The following EGFL6 variants were observed in gnomAD, a reference collection of about 807,000 sequenced individuals.
The protein encoded by EGFL6 is epidermal growth factor-like protein 6.
EGFL6 carries 42 observed loss-of-function variants against 43.1 expected under a neutral mutation model. The observed-to-expected ratio is 0.98, with a 90% CI of 0.76 to 1.26. The LOEUF is 1.26. Ranked by LOEUF, EGFL6 falls within the 50% of genes most tolerant of loss-of-function variation. The pLI, the probability that EGFL6 is intolerant of heterozygous loss-of-function variation, is 0.00. For missense variants in EGFL6, 429 were observed against 427.8 expected, an observed-to-expected ratio of 1.00 and a Z score of -0.02; for synonymous variants, 164 against 163.2, an observed-to-expected ratio of 1.01 and a Z score of -0.04.
At position 13,569,745 on chromosome X, in the gene EGFL6, G is replaced by A. The variant is rs781156537; in HGVS notation, c.-117G>A. 35 of 715,454 alleles carry A rather than the reference G, an allele frequency of 4.9e-5. No homozygotes were observed. The South Asian group carries it at 8.1e-4, about 17-fold the overall frequency. 59.0% of individuals were successfully genotyped at this position (715,454 alleles called of 1,213,427 possible). On this transcript the variant is annotated 5_prime_UTR_variant, in exon 1 of 12. It adds an upstream start codon to the 5' untranslated region. Coordinates refer to ENST00000361306, the MANE Select transcript of EGFL6 (RefSeq NM_015507.4). ...CAGGGACAGCACCCGGTAACTGCGA[G>A]TGGAGCGGAGGACCCGAGCGGCTGA...
intron 5 of EGFL6, among the ~76,000 whole-genome samples, chrX:13,604,870 G>A (rs900061263): frequency 9.0e-6 from 1 of 111,547 alleles, no homozygotes; most frequent in African/African-American, 3.3e-5. Context: ...TTTCAGTCAA[G>A]GTGCTAGATG....
intron 7 of EGFL6, among the ~76,000 whole-genome samples, chrX:13,616,576 C>G (rs1443533861): frequency 9.2e-6 from 1 of 108,948 alleles, no homozygotes; most frequent in African/African-American, 3.3e-5. Context: ...TGCCACTGCA[C>G]TCCAGCCTGG....
At chrX:13,601,618 G>C in intron 4 of EGFL6, among the ~76,000 whole-genome samples, 1 of 111,971 alleles carries the variant, frequency 8.9e-6, no homozygotes, top group East Asian at 2.8e-4. Context: ...CTCCTCCTTG[G>C]CAAAGTGTCC....
chrX:13,592,979 A>G (rs182611230), intron 2 of EGFL6, among the ~76,000 whole-genome samples: 5 of 101,659 alleles, frequency 4.9e-5, no homozygotes, highest in Admixed American at 4.3e-4. Flanking sequence ...CAGCAGCGCA[A>G]TCTCAGCTCA....
intron 3 of EGFL6, among the ~76,000 whole-genome samples, chrX:13,598,824 CAT>C (rs1222139973): frequency 2.0e-5 from 2 of 97,640 alleles, no homozygotes; most frequent in Non-Finnish European, 2.0e-5. Flanking sequence ...ATATATAATT[CAT>C]ATATATATTT....
intron 11 of EGFL6, 59 bp from the exon 12 acceptor site, chrX:13,632,926 G>A: frequency 9.4e-7 from 1 of 1,066,809 alleles, no homozygotes. Context: ...TAAATAGCTT[G>A]ATTATATCAT....
At chrX:13,625,885 C>CAA (rs755901799) in intron 10 of EGFL6, among the ~76,000 whole-genome samples, 735 of 30,842 alleles carry the variant, frequency 0.024, 14 homozygotes, top group Admixed American at 0.044. Context: ...GACCCTGCCT[C>CAA]AAAAAAAAAA....
chrX:13,592,621 A>G (rs1302336982), intron 2 of EGFL6, among the ~76,000 whole-genome samples: 1 of 110,288 alleles, frequency 9.1e-6, no homozygotes, highest in Non-Finnish European at 1.9e-5. Flanking sequence ...TGCACAGGAG[A>G]GGCCTGCCAA....
In EGFL6 at chrX:13,630,077, A is replaced by G. The variant is rs749896402; in HGVS notation, c.1551+2801A>G. Reference sequence around the variant, plus strand: ...TTCTGCCCAGGGCTCTGCCAGGGAGATGCAGTGGTACAGCATCCTAGTCCT... The same window carrying G: ...TTCTGCCCAGGGCTCTGCCAGGGAGGTGCAGTGGTACAGCATCCTAGTCCT... On this transcript the variant is annotated intron_variant, in intron 11 of 11. Transcript: ENST00000361306. 2.7e-5 allele frequency among the ~76,000 whole-genome samples: 3 copies of G among 111,491 alleles called. No homozygotes were observed. In the South Asian group the frequency reaches 1.1e-3, roughly 43 times the overall value.
chrX:13,591,307 G>A (rs1308209134), intron 2 of EGFL6, among the ~76,000 whole-genome samples: 2 of 111,472 alleles, frequency 1.8e-5, no homozygotes, highest in African/African-American at 3.3e-5. Context: ...GAACATCAGC[G>A]TCTACTGCCA....
intron 7 of EGFL6, among the ~76,000 whole-genome samples, chrX:13,613,341 T>C (rs919766749): frequency 9.1e-6 from 1 of 110,134 alleles, no homozygotes; most frequent in Non-Finnish European, 1.9e-5. Flanking sequence ...TGTTCCACTG[T>C]TCTAATATGA....
chrX:13,602,516 C>A (rs1433161418), intron 4 of EGFL6, among the ~76,000 whole-genome samples: 1 of 112,131 alleles, frequency 8.9e-6, no homozygotes, highest in African/African-American at 3.2e-5. Flanking sequence ...TTTACTCTCA[C>A]ACTTGTGGCC....
chrX:13,627,857 T>C (rs780430810), intron 11 of EGFL6, among the ~76,000 whole-genome samples: 3 of 111,762 alleles, frequency 2.7e-5, no homozygotes, highest in Admixed American at 1.9e-4. Context: ...GCAGTTTTTG[T>C]CTCCCAGTAG....
At chrX:13,594,461 TA>T (rs2045585272) in intron 2 of EGFL6, among the ~76,000 whole-genome samples, 1 of 111,900 alleles carries the variant, frequency 8.9e-6, no homozygotes, top group South Asian at 3.7e-4. Context: ...TGTGCAGCAT[TA>T]AAAGATTTTG....
intron 10 of EGFL6, among the ~76,000 whole-genome samples, chrX:13,625,961 C>A (rs959499304): frequency 2.8e-5 from 3 of 108,310 alleles, no homozygotes; most frequent in African/African-American, 1.0e-4. Flanking sequence ...GGGATAAAAC[C>A]ACAAAGACAG....
At chrX:13,595,780 C>A (rs1185048041) in intron 3 of EGFL6, among the ~76,000 whole-genome samples, 1 of 106,673 alleles carries the variant, frequency 9.4e-6, no homozygotes, top group Non-Finnish European at 1.9e-5. Context: ...AGTGCAGTGG[C>A]GTGATCATGG....
chrX:13,627,811 G>A (rs771146953), intron 11 of EGFL6, among the ~76,000 whole-genome samples: 1 of 111,827 alleles, frequency 8.9e-6, no homozygotes, highest in South Asian at 3.7e-4. Flanking sequence ...GAAAAGACAC[G>A]TAGGGCAGAA....
intron 1 of EGFL6, among the ~76,000 whole-genome samples, chrX:13,586,646 TAGGGTTTCA>T (rs1375577050): frequency 9.0e-6 from 1 of 111,435 alleles, no homozygotes; most frequent in Non-Finnish European, 1.9e-5. Flanking sequence ...ACATTGGGAT[TAGGGTTTCA>T]ATATATGAAT....
At chrX:13,596,117 G>A (rs929976319) in intron 3 of EGFL6, 8 of 112,206 alleles carry the variant, frequency 7.1e-5, no homozygotes, top group African/African-American at 2.6e-4. Flanking sequence ...TTCTCAACCT[G>A]GGTAATTTTG....
Sources: allele counts gnomAD v4.1 joint callset (sites outside exome capture counted in the v4.1 genomes callset), GRCh38; gene constraint gnomAD v4.1.1; transcripts MANE v1.5; gene names NCBI Gene and HGNC (gene_info 2026-07-23, HGNC 2026-07-21).